The following ATPSCKMT variants were observed in gnomAD, a reference collection of about 807,000 sequenced individuals.
The protein encoded by ATPSCKMT is ATP synthase c subunit lysine N-methyltransferase.
A neutral mutation model predicts 24.3 loss-of-function variants in ATPSCKMT; 24 were observed. The observed-to-expected ratio is 0.99, with a 90% CI of 0.71 to 1.39. The LOEUF is 1.39. Among genes scored for constraint, ATPSCKMT ranks in the 40% most tolerant of loss-of-function variants. The pLI is 0.00. For missense variants in ATPSCKMT, 311 were observed against 298.4 expected, an observed-to-expected ratio of 1.04 and a Z score of -0.31; for synonymous variants, 95 against 110.5, an observed-to-expected ratio of 0.86 and a Z score of 0.88.
At position 10,239,281 on chromosome 5, in the gene ATPSCKMT, A is replaced by C. The variant is rs1744517628; in HGVS notation, c.92T>G (p.Leu31Trp). 1 of 1,614,098 alleles carries C rather than the reference A, an allele frequency of 6.2e-7. No individual in the cohort carries two copies. ...TAAGAACCCCCAGTTGCTTTTCTGC[A>C]AACTGTTGACTTCAAAACTTGCAGG... is the stretch of plus-strand genomic sequence containing the variant. ...VLPASFEVNS[L>W]QKSNWGFLLT... The change falls in exon 2 of 5, where the codon TTG becomes TGG. Residue 31 changes from leucine (L) to tryptophan (W), a missense_variant. Leu to Trp is a moderately conservative substitution (Grantham distance 61). Transcript: ENST00000511437.
intron 4 of ATPSCKMT, among the ~76,000 whole-genome samples, chr5:10,229,506 T>C (rs963409421): frequency 6.6e-6 from 1 of 152,198 alleles, no homozygotes; most frequent in Non-Finnish European, 1.5e-5. Context: ...GGTGTCTCCA[T>C]TGTGCAGTTG....
intron 4 of ATPSCKMT, among the ~76,000 whole-genome samples, chr5:10,228,695 T>TC (rs1038702676): frequency 1.3e-5 from 2 of 152,204 alleles, no homozygotes; most frequent in Admixed American, 1.3e-4. Context: ...AAATAATTTT[T>TC]TTTTTTTTGA....
At chr5:10,232,037 T>C (rs1579420691) in intron 4 of ATPSCKMT, among the ~76,000 whole-genome samples, 4 of 152,192 alleles carry the variant, frequency 2.6e-5, no homozygotes, top group South Asian at 4.2e-4. Context: ...ACTCTGTCCC[T>C]GCGAAAACTA....
At chr5:10,235,313 GA>G (rs768431937) in intron 3 of ATPSCKMT, 52 bp from the exon 4 acceptor site, 1 of 1,503,974 alleles carries the variant, frequency 6.6e-7, no homozygotes, top group Non-Finnish European at 9.2e-7. Flanking sequence ...AGCCAAACGT[GA>G]AGCTTAACTT....
intron 4 of ATPSCKMT, among the ~76,000 whole-genome samples, chr5:10,228,691 T>C (rs941253847): frequency 5.9e-5 from 8 of 134,782 alleles, no homozygotes; most frequent in African/African-American, 2.2e-4. Flanking sequence ...GTTCAAATAA[T>C]TTTTTTTTTT....
Position 10,227,294 on chromosome 5 carries a change from T to C in ATPSCKMT, c.*147A>G. 1 of 839,250 alleles carries C rather than the reference T, an allele frequency of 1.2e-6. No individual in the cohort carries two copies. The highest frequency in any genetic ancestry group is 1.8e-6 in the Non-Finnish European group (1 of 556,596). The allele number at this position is 839,250 out of a possible 1,614,324, so 52.0% of individuals were successfully genotyped here. On this transcript the variant is annotated 3_prime_UTR_variant, in exon 5 of 5. Transcript: ENST00000511437. ...TTTTAAATCTACCTGTTTTTCTTCG[T>C]TTGTTTTCTCCAACAGTTAAGGAAA...
chr5:10,244,833 A>G (rs141392911), intron 1 of ATPSCKMT, among the ~76,000 whole-genome samples: 3,592 of 151,646 alleles, frequency 0.024, 76 homozygotes, highest in Non-Finnish European at 0.039. Context: ...GCTTAGGCCC[A>G]GGAGGCTGAG....
chr5:10,241,457 C>A (rs1170320417), intron 1 of ATPSCKMT, among the ~76,000 whole-genome samples: 3 of 152,208 alleles, frequency 2.0e-5, no homozygotes, highest in African/African-American at 7.2e-5. Context: ...GGGTCACCCT[C>A]AGGGCAGCCA....
intron 1 of ATPSCKMT, among the ~76,000 whole-genome samples, chr5:10,247,289 C>A (rs182944224): frequency 2.0e-5 from 3 of 152,144 alleles, no homozygotes; most frequent in Admixed American, 6.5e-5. Flanking sequence ...CTATGTACAT[C>A]CAATATAGGA....
chr5:10,249,827 CCAGGAA>C, intron 1 of ATPSCKMT, 25 bp downstream of exon 1: 1 of 1,563,532 alleles, frequency 6.4e-7, no homozygotes, highest in Non-Finnish European at 8.6e-7. Flanking sequence ...TCTCATGCCC[CCAGGAA>C]CCCGCCAAGC....
Position 10,226,031 on chromosome 5 carries a change from A to G in ATPSCKMT, c.*1410T>C, listed in dbSNP as rs533073187. ...TGGAGCTACTGAAAAAGGGACAGAC[A>G]CTAGCTGCCAAAAACCTGGCTGAAG... is the stretch of plus-strand genomic sequence containing the variant. On this transcript the variant is annotated 3_prime_UTR_variant, in exon 5 of 5. Coordinates refer to ENST00000511437, the MANE Select transcript of ATPSCKMT (RefSeq NM_199133.4). Among the ~76,000 whole-genome samples the G allele has an allele frequency of 1.3e-5, 2 of 152,324 alleles. No individual in the cohort carries two copies. The highest frequency in any genetic ancestry group is 4.8e-5 in the African/African-American group (2 of 41,564).
At chr5:10,231,302 A>T (rs1412487050) in intron 4 of ATPSCKMT, among the ~76,000 whole-genome samples, 4 of 152,000 alleles carry the variant, frequency 2.6e-5, no homozygotes, top group Non-Finnish European at 4.4e-5. Context: ...ACAGAATTTG[A>T]TGCTTCTCAC....
At chr5:10,240,233 C>CA (rs1216674079) in intron 1 of ATPSCKMT, among the ~76,000 whole-genome samples, 90 of 123,584 alleles carry the variant, frequency 7.3e-4, no homozygotes, top group East Asian at 5.1e-3. Flanking sequence ...GACTCTGTCT[C>CA]AAAAAAAAAA....
intron 3 of ATPSCKMT, 68 bp downstream of exon 3, chr5:10,236,410 G>T: frequency 6.5e-7 from 1 of 1,535,852 alleles, no homozygotes. Flanking sequence ...TCAGTTCTCA[G>T]TCATACTAAT....
chr5:10,236,220 G>C, intron 3 of ATPSCKMT: 1 of 321,340 alleles, frequency 3.1e-6, no homozygotes. Flanking sequence ...TATTTTGTAA[G>C]AAACAGAAAT....
rs143104382 is a variant in ATPSCKMT, at chr5:10,239,452, T to C, written c.17-96A>G. The C allele has an allele frequency of 7.4e-4, 817 of 1,110,118 alleles. 3 individuals are homozygous for C. In the African/African-American group the frequency reaches 0.011, roughly 15 times the overall value. The allele number at this position is 1,110,118 out of a possible 1,614,324, so 68.8% of individuals were successfully genotyped here. ...CAATTCTCATTGGCAAACAAACTCA[T>C]GCTTTTTAAAGGATAATTTAGCTGA... On this transcript the variant is annotated intron_variant, in intron 1 of 4. Transcript: ENST00000511437.
In ATPSCKMT at chr5:10,227,448, T is replaced by G. The variant is rs1355140122; in HGVS notation, c.695A>C (p.Gln232Pro). ...CTSMHFQLPI[Q>P]A The stretch of plus-strand genomic sequence containing the variant: ...AAACACTCCCAGTCAAGTTTATGCT[T>G]GAATGGGCAGCTGGAAATGCATCGA... The change falls in exon 5 of 5, where the codon CAA becomes CCA. Residue 232 changes from glutamine (Q) to proline (P), a missense_variant. By Grantham distance (76) the Gln-to-Pro change is moderately conservative (BLOSUM62 -1). Transcript: ENST00000511437. 1 of 1,614,074 alleles carries G rather than the reference T, an allele frequency of 6.2e-7. No individual in the cohort carries two copies. The highest frequency in any genetic ancestry group is 1.1e-5 in the South Asian group (1 of 91,084).
chr5:10,242,401 A>G (rs1034735205), intron 1 of ATPSCKMT, among the ~76,000 whole-genome samples: 22 of 152,218 alleles, frequency 1.4e-4, no homozygotes, highest in African/African-American at 5.3e-4. Context: ...GCTCATCCAT[A>G]AAAAGCAACT....
Position 10,227,514 on chromosome 5 carries a change from T to A in ATPSCKMT, c.629A>T (p.Asp210Val). Residue 210 changes from aspartate (D) to valine (V), a missense_variant, in exon 5 of 5, where the codon GAT becomes GTT. By Grantham distance (152) the Asp-to-Val change is radical (BLOSUM62 -3). Transcript: ENST00000511437. ...GEGIDTVWAY[D>V]ASTFRGREKR... ...TTCACGGCCTCTAAAAGTGCTTGCA[T>A]CATATGCCCACACTGTGTCTATCCC... The A allele has an allele frequency of 6.2e-7, 1 of 1,614,182 alleles. No individual in the cohort carries two copies. Among genetic ancestry groups the A allele is most frequent in the Non-Finnish European group, 8.5e-7 (1 of 1,180,042 alleles).
Sources: gnomAD v4.1 joint callset for allele counts (sites outside exome capture counted in the v4.1 genomes callset) on GRCh38, gnomAD v4.1.1 for gene constraint, MANE v1.5 for transcripts, NCBI Gene and HGNC (gene_info 2026-07-23, HGNC 2026-07-21) for gene names.